Variants in GRB14 observed in about 807,000 individuals in gnomAD.
The protein encoded by GRB14 is growth factor receptor-bound protein 14.
Under a neutral mutation model 69.1 loss-of-function variants are expected in GRB14, and 38 were observed. The observed-to-expected ratio is 0.55, with a 90% CI of 0.42 to 0.72. The LOEUF (loss-of-function observed/expected upper bound fraction) is 0.72. Among genes scored for constraint, GRB14 ranks in the 30% least tolerant of loss-of-function variants. The probability of loss-of-function intolerance (pLI) is 0.00; values close to 1 mark genes in which losing one functional copy is unlikely to be tolerated. For missense variants in GRB14, 666 were observed against 666.1 expected (o/e 1.00, Z 0.00); for synonymous variants, 247 against 241.3 (o/e 1.02, Z -0.22).
At chr2:164,620,083 C>CT (rs1266155301) in intron 1 of GRB14, 2 of 239,546 alleles carry the variant, frequency 8.3e-6, no homozygotes, top group Non-Finnish European at 1.5e-5. Context: ...ACCCCTCCCC[C>CT]CCCCACCGCC....
At position 164,547,150 on chromosome 2, in the gene GRB14, C is replaced by A. The variant is rs144304426; in HGVS notation, c.481+510G>T. 1.7e-3 allele frequency among the ~76,000 whole-genome samples: 258 copies of A among 152,194 alleles called. 1 individual carries two copies. The highest frequency in any genetic ancestry group is 2.7e-3 in the Non-Finnish European group (186 of 68,018). On this transcript the variant is annotated intron_variant, in intron 3 of 13. Transcript: ENST00000263915. ...TAACTAATCCTTCAGTGCCAAGATA[C>A]AGACACACATCCACAAAAACAACAG...
intron 5 of GRB14, among the ~76,000 whole-genome samples, chr2:164,522,790 C>T (rs1356530686): frequency 6.6e-6 from 1 of 152,084 alleles, no homozygotes. Flanking sequence ...GTAATGTCAT[C>T]TTGCCACTGA....
Position 164,621,431 on chromosome 2 carries a change from G to A in GRB14, c.-122C>T. 1.3e-6 allele frequency: 1 copy of A among 779,122 alleles called. No homozygotes were observed. The highest frequency in any genetic ancestry group is 1.7e-6 in the Non-Finnish European group (1 of 581,104). The allele number at this position is 779,122 out of a possible 1,614,324, so 48.3% of individuals were successfully genotyped here. On this transcript the variant is annotated 5_prime_UTR_variant, in exon 1 of 14. Transcript: ENST00000263915. This position sits in a 1 kb window ranked among gnomAD's most constrained non-coding sequence, Gnocchi z 6.0. The stretch of plus-strand genomic sequence containing the variant: ...AGCGCTCTGCAGGTGTGGTGGCCTC[G>A]CCGCCTGCGCTCGGGGCCCCGGCGG...
chr2:164,506,204 G>A (rs918781482), intron 8 of GRB14, among the ~76,000 whole-genome samples: 3 of 152,192 alleles, frequency 2.0e-5, no homozygotes, highest in Non-Finnish European at 2.9e-5. Context: ...GAATCCTTAA[G>A]GATGGGGCGG....
chr2:164,492,605 A>G lies in GRB14; in HGVS notation c.*431T>C, dbSNP rs1445698161. Among the ~76,000 whole-genome samples the G allele has an allele frequency of 2.5e-5, 3 of 122,314 alleles. No individual in the cohort carries two copies. The highest frequency in any genetic ancestry group is 2.2e-4 in the East Asian group (1 of 4,476). 80.2% of individuals were successfully genotyped at this position (122,314 alleles called of 152,430 possible). The stretch of plus-strand genomic sequence containing the variant: ...GGTTGTGGATAGTTTCTTTTAATTG[A>G]TAAGTTATTATCATATTTCTTAACA... On this transcript the variant is annotated 3_prime_UTR_variant, in exon 14 of 14. Coordinates refer to ENST00000263915, the MANE Select transcript of GRB14 (RefSeq NM_004490.3).
intron 2 of GRB14, among the ~76,000 whole-genome samples, chr2:164,596,130 G>A (rs1689777873): frequency 6.6e-6 from 1 of 151,988 alleles, no homozygotes; most frequent in Non-Finnish European, 1.5e-5. Flanking sequence ...CAAAAACAAA[G>A]AGATAGAAAC....
At chr2:164,577,010 G>A (rs1689267108) in intron 2 of GRB14, among the ~76,000 whole-genome samples, 1 of 151,840 alleles carries the variant, frequency 6.6e-6, no homozygotes. Flanking sequence ...CCAATTTTAT[G>A]CAAAAAAACA....
chr2:164,576,323 G>C (rs1418184214), intron 2 of GRB14, among the ~76,000 whole-genome samples: 3 of 148,762 alleles, frequency 2.0e-5, no homozygotes, highest in African/African-American at 7.4e-5. Flanking sequence ...ATATAAATAG[G>C]GTAACATAAT....
intron 2 of GRB14, among the ~76,000 whole-genome samples, chr2:164,591,331 A>C (rs527880247): frequency 6.6e-6 from 1 of 152,244 alleles, no homozygotes; most frequent in African/African-American, 2.4e-5. Flanking sequence ...GTGTTTACTG[A>C]GTGACAAAAT....
intron 6 of GRB14, among the ~76,000 whole-genome samples, chr2:164,521,147 TAGAC>T (rs568038270): frequency 1.3e-5 from 2 of 151,926 alleles, no homozygotes; most frequent in Non-Finnish European, 2.9e-5. Context: ...AATTGTGAGA[TAGAC>T]AGACAGATAG....
chr2:164,532,390 A>G (rs1879630), intron 3 of GRB14, among the ~76,000 whole-genome samples: 119,267 of 152,186 alleles, frequency 0.78, 47,220 homozygotes, highest in African/African-American at 0.83. Flanking sequence ...TATAATACCT[A>G]TAGTAAGCTA....
rs960952802 is a variant in GRB14 at position 164,522,129 on chromosome 2, T to G, written c.679-12A>C. On this transcript the variant is annotated splice_polypyrimidine_tract_variant and intron_variant, in intron 5 of 13. Transcript: ENST00000263915. Reference sequence around the variant, plus strand: ...GAACTCAGAAACATCTGAAAGAAAATTTATATATTTTCAAACTATGATTAA... The same window carrying G: ...GAACTCAGAAACATCTGAAAGAAAAGTTATATATTTTCAAACTATGATTAA... 2.0e-6 allele frequency: 3 copies of G among 1,476,912 alleles called. No homozygotes were observed. The highest frequency in any genetic ancestry group is 2.0e-5 in the Admixed American group (1 of 50,932). 91.5% of individuals were successfully genotyped at this position (1,476,912 alleles called of 1,614,324 possible).
chr2:164,585,127 T>C (rs1172449198), intron 2 of GRB14, among the ~76,000 whole-genome samples: 2 of 111,638 alleles, frequency 1.8e-5, no homozygotes, highest in Admixed American at 1.1e-4. Context: ...TTTTTTTTTT[T>C]AGTAGAGATG....
chr2:164,562,153 C>T (rs1215955745), intron 2 of GRB14, among the ~76,000 whole-genome samples: 1 of 152,122 alleles, frequency 6.6e-6, no homozygotes, highest in Non-Finnish European at 1.5e-5. Flanking sequence ...CAAGTTCTCA[C>T]CATCATACAG....
In GRB14 at chr2:164,492,443, A is replaced by G. The variant is rs1312121849; in HGVS notation, c.*593T>C. ...AAATTTTATAATTAACTATTTAATA[A>G]TATTTTTAAATTACCTGGAAAAAAT... On this transcript the variant is annotated 3_prime_UTR_variant, in exon 14 of 14. Transcript: ENST00000263915. 6.6e-6 allele frequency among the ~76,000 whole-genome samples: 1 copy of G among 152,002 alleles called. No homozygotes were observed. The highest frequency in any genetic ancestry group is 6.6e-5 in the Admixed American group (1 of 15,248).
intron 3 of GRB14, among the ~76,000 whole-genome samples, chr2:164,542,114 A>T (rs991495300): frequency 7.2e-5 from 11 of 152,228 alleles, no homozygotes; most frequent in Non-Finnish European, 1.5e-4. Context: ...AGAACCCAGA[A>T]ATAAAGCCAT....
At chr2:164,582,950 C>T (rs1178078899) in intron 2 of GRB14, among the ~76,000 whole-genome samples, 2 of 152,178 alleles carry the variant, frequency 1.3e-5, no homozygotes, top group African/African-American at 4.8e-5. Context: ...TTATGTCAGT[C>T]ACCACAGGTC....
rs138009775 is a variant in GRB14, at chr2:164,597,555, T to C, written c.324+22132A>G. Among the ~76,000 whole-genome samples, 426 of 152,258 alleles carry C rather than the reference T, an allele frequency of 2.8e-3. 2 individuals are homozygous for C. The highest frequency in any genetic ancestry group is 9.4e-3 in the African/African-American group (391 of 41,570). On this transcript the variant is annotated intron_variant, in intron 2 of 13. Coordinates refer to ENST00000263915, the MANE Select transcript of GRB14 (RefSeq NM_004490.3). ...TCTAAAAATAAACTGAGGAATTTAATTAACTATACTAGCTAACAATTCTCG... is the reference window on the plus strand; with the variant it reads ...TCTAAAAATAAACTGAGGAATTTAACTAACTATACTAGCTAACAATTCTCG...
At chr2:164,574,938 G>GAA (rs879364438) in intron 2 of GRB14, among the ~76,000 whole-genome samples, 6 of 116,040 alleles carry the variant, frequency 5.2e-5, no homozygotes, top group Non-Finnish European at 5.6e-5. Context: ...TCAAAATGAA[G>GAA]AAAAAAAAAA....
Sources: gnomAD v4.1 joint callset for allele counts (sites outside exome capture counted in the v4.1 genomes callset) on GRCh38, gnomAD v4.1.1 for gene constraint, Gnocchi (gnomAD v3.1) non-coding constraint, MANE v1.5 for transcripts, NCBI Gene and HGNC (gene_info 2026-07-23, HGNC 2026-07-21) for gene names.